APBA1: variants seen among roughly 807,000 people sequenced by gnomAD.
APBA1 encodes amyloid beta precursor protein binding family A member 1.
A neutral mutation model predicts 86.6 loss-of-function variants in APBA1; 55 were observed. That is an observed-to-expected ratio of 0.64 (90% CI 0.51 to 0.80). APBA1 has a LOEUF of 0.80. Ranked by LOEUF, APBA1 falls within the 30% of genes least tolerant of loss-of-function variation. The pLI, the probability that APBA1 is intolerant of heterozygous loss-of-function variation, is 0.00. For missense variants in APBA1, 1,090 were observed against 1,183.0 expected, an observed-to-expected ratio of 0.92 and a Z score of 1.15; for synonymous variants, 511 against 493.9, an observed-to-expected ratio of 1.03 and a Z score of -0.46.
At chr9:69,588,784 TCAC>T (rs1822072310) in intron 1 of APBA1, among the ~76,000 whole-genome samples, 1 of 152,196 alleles carries the variant, frequency 6.6e-6, no homozygotes, top group Non-Finnish European at 1.5e-5. Context: ...TCATTTAATC[TCAC>T]CACATCCCTG....
intron 1 of APBA1, among the ~76,000 whole-genome samples, chr9:69,537,755 T>C (rs1029752722): frequency 1.3e-5 from 2 of 152,064 alleles, no homozygotes; most frequent in African/African-American, 4.8e-5. Context: ...CATTTCCCTT[T>C]CTGTGAACTG....
At position 69,605,757 on chromosome 9, in the gene APBA1, C is replaced by T. The variant is rs74737465; in HGVS notation, c.-70+66396G>A. On this transcript the variant is annotated intron_variant, in intron 1 of 12. Coordinates refer to ENST00000265381, the MANE Select transcript of APBA1 (RefSeq NM_001163.4). ...GTGGTCACCCAGAGAGTCCAGAACA[C>T]GCTTACATTAAATTTATTTTTAAAT... 6.2e-3 allele frequency among the ~76,000 whole-genome samples: 943 copies of T among 152,308 alleles called. 10 individuals are homozygous for T. Among genetic ancestry groups the T allele is most frequent in the African/African-American group, 0.021 (885 of 41,560 alleles).
chr9:69,660,683 G>T (rs1406652197), intron 1 of APBA1, among the ~76,000 whole-genome samples: 1 of 152,050 alleles, frequency 6.6e-6, no homozygotes, highest in Non-Finnish European at 1.5e-5. Flanking sequence ...TTCCTTTAAA[G>T]ATGAAAAAAC....
intron 2 of APBA1, among the ~76,000 whole-genome samples, chr9:69,502,277 G>T (rs1021755169): frequency 6.6e-6 from 1 of 152,038 alleles, no homozygotes; most frequent in Non-Finnish European, 1.5e-5. Context: ...ATGTCAGTGG[G>T]GGAGACACCT....
At chr9:69,582,378 C>G (rs571465405) in intron 1 of APBA1, among the ~76,000 whole-genome samples, 1 of 152,126 alleles carries the variant, frequency 6.6e-6, no homozygotes. Flanking sequence ...CGGGACGGGT[C>G]GCTTTCTCCA....
rs1242345314 is a variant in APBA1 at position 69,558,159 on chromosome 9, C to A, written c.-69-40880G>T. On this transcript the variant is annotated intron_variant, in intron 1 of 12. Coordinates refer to ENST00000265381, the MANE Select transcript of APBA1 (RefSeq NM_001163.4). ...GTGCATTAAAGTCTATTTTGCATGG[C>A]AGTAATGTGGTTTTTATTGGCTCTC... Among the ~76,000 whole-genome samples, 2 of 152,064 alleles carry A rather than the reference C, an allele frequency of 1.3e-5. 1 individual carries two copies. Among genetic ancestry groups the A allele is most frequent in the Admixed American group, 1.3e-4 (2 of 15,256 alleles).
chr9:69,436,190 T>C (rs1834715749), intron 11 of APBA1, among the ~76,000 whole-genome samples: 1 of 150,062 alleles, frequency 6.7e-6, no homozygotes, highest in African/African-American at 2.5e-5. Context: ...AGCCTTGTAG[T>C]ATAGTTTGAA....
intron 5 of APBA1, chr9:69,462,117 A>T (rs889572908): frequency 6.6e-6 from 1 of 152,246 alleles, no homozygotes; most frequent in African/African-American, 2.4e-5. Context: ...CAAGATACCT[A>T]TACACCATTT....
chr9:69,441,774 G>A (rs1834828283), intron 10 of APBA1, among the ~76,000 whole-genome samples: 1 of 152,202 alleles, frequency 6.6e-6, no homozygotes, highest in Non-Finnish European at 1.5e-5. Context: ...GAAGAAATAC[G>A]ACTTGCAGAC....
intron 1 of APBA1, among the ~76,000 whole-genome samples, chr9:69,535,873 T>C (rs975883276): frequency 2.6e-5 from 4 of 152,142 alleles, no homozygotes; most frequent in Non-Finnish European, 4.4e-5. Flanking sequence ...TCTGAACACA[T>C]TAATGAGAGC....
chr9:69,626,845 C>A (rs1822944495), intron 1 of APBA1, among the ~76,000 whole-genome samples: 1 of 151,768 alleles, frequency 6.6e-6, no homozygotes, highest in Non-Finnish European at 1.5e-5. Context: ...CTAATGTCAG[C>A]CAGTAAGCCC....
intron 1 of APBA1, among the ~76,000 whole-genome samples, chr9:69,641,175 G>T (rs1823280711): frequency 6.6e-6 from 1 of 152,078 alleles, no homozygotes; most frequent in Middle Eastern, 3.4e-3. Flanking sequence ...GCAATGAACA[G>T]CTGGAAGTTG....
intron 1 of APBA1, among the ~76,000 whole-genome samples, chr9:69,625,183 A>T (rs1286995510): frequency 6.6e-6 from 1 of 152,106 alleles, no homozygotes; most frequent in East Asian, 1.9e-4. Flanking sequence ...AAACACATCG[A>T]GCTTGCACCA....
At chr9:69,589,079 T>C (rs1822077549) in intron 1 of APBA1, among the ~76,000 whole-genome samples, 1 of 152,126 alleles carries the variant, frequency 6.6e-6, no homozygotes, top group Non-Finnish European at 1.5e-5. Flanking sequence ...CTCAGCCTCC[T>C]GAGTAGCTGG....
At chr9:69,489,957 CT>C (rs1835676828) in intron 2 of APBA1, among the ~76,000 whole-genome samples, 2 of 152,196 alleles carry the variant, frequency 1.3e-5, no homozygotes, top group South Asian at 4.2e-4. Context: ...CCATTTGATC[CT>C]GCCATCCCAT....
intron 1 of APBA1, among the ~76,000 whole-genome samples, chr9:69,641,542 T>C (rs1823286609): frequency 6.6e-6 from 1 of 152,112 alleles, no homozygotes; most frequent in Non-Finnish European, 1.5e-5. Flanking sequence ...TAACACAGGA[T>C]AGACATATAA....
At chr9:69,498,277 C>T (rs1338472382) in intron 2 of APBA1, among the ~76,000 whole-genome samples, 1 of 152,076 alleles carries the variant, frequency 6.6e-6, no homozygotes, top group Non-Finnish European at 1.5e-5. Context: ...CTCTGGCCAA[C>T]AGTCAACTGG....
chr9:69,629,157 T>C (rs990011271), intron 1 of APBA1, among the ~76,000 whole-genome samples: 2 of 152,182 alleles, frequency 1.3e-5, no homozygotes, highest in East Asian at 3.8e-4. Flanking sequence ...CTTTTAAACA[T>C]ATCCAATAAA....
At chr9:69,441,248 C>A in intron 10 of APBA1, 133 bp from the exon 11 acceptor site, 1 of 1,096,116 alleles carries the variant, frequency 9.1e-7, no homozygotes, top group Non-Finnish European at 1.3e-6. Flanking sequence ...TGCCTGCAGG[C>A]CTCTGGTGCC....
Sources: gnomAD v4.1 joint callset for allele counts (sites outside exome capture counted in the v4.1 genomes callset) on GRCh38, gnomAD v4.1.1 for gene constraint, MANE v1.5 for transcripts, NCBI Gene and HGNC (gene_info 2026-07-23, HGNC 2026-07-21) for gene names.